Variants in LOXHD1 observed in about 807,000 individuals in gnomAD.
LOXHD1 encodes the protein lipoxygenase homology domain-containing protein 1.
Under a neutral mutation model 248.2 loss-of-function variants are expected in LOXHD1, and 205 were observed. The observed-to-expected ratio is 0.83, with a 90% CI of 0.74 to 0.93. The LOEUF (loss-of-function observed/expected upper bound fraction) is 0.93. Among genes scored for constraint, LOXHD1 ranks in the 40% least tolerant of loss-of-function variants. LOXHD1 has a pLI of 0.00. For synonymous variants in LOXHD1, 1,113 were observed against 1,162.8 expected (o/e 0.96, Z 0.87); for missense variants, 2,930 against 2,971.6 (o/e 0.99, Z 0.33).
At chr18:46,503,347 C>T (rs1329632019) in intron 37 of LOXHD1, among the ~76,000 whole-genome samples, 3 of 152,178 alleles carry the variant, frequency 2.0e-5, no homozygotes, top group Non-Finnish European at 4.4e-5. Context: ...CACACCCATG[C>T]CTGCCACCCT....
intron 20 of LOXHD1, chr18:46,558,156 G>T: frequency 1.5e-6 from 1 of 684,420 alleles, no homozygotes. Flanking sequence ...TATGATGAAA[G>T]TTCATATGCC....
Position 46,494,847 on chromosome 18 carries a change from C to CTTTTTTTTTTTTTTT in LOXHD1, c.5879-5706_5879-5705insAAAAAAAAAAAAAAA, listed in dbSNP as rs1256277774. ...ATTTTTCTTTCTCCTTTTTCTCTCT[C>CTTTTTTTTTTTTTTT]TCTTTTTTTTTTTTTTTTTTTTTTG... On this transcript the variant is annotated intron_variant, in intron 37 of 40. Coordinates refer to ENST00000642948, the MANE Select transcript of LOXHD1 (RefSeq NM_001384474.1). Among the ~76,000 whole-genome samples, 127 of 113,394 alleles carry CTTTTTTTTTTTTTTT rather than the reference C, an allele frequency of 1.1e-3. 6 individuals are homozygous for CTTTTTTTTTTTTTTT. Among genetic ancestry groups the CTTTTTTTTTTTTTTT allele is most frequent in the Non-Finnish European group, 1.9e-3 (99 of 52,086 alleles). 74.4% of individuals were successfully genotyped at this position (113,394 alleles called of 152,430 possible). A position where few individuals can be genotyped will look rare whatever the true frequency, so the allele number is the denominator to read the frequency against.
intron 14 of LOXHD1, among the ~76,000 whole-genome samples, chr18:46,577,496 C>T (rs1373393237): frequency 1.3e-5 from 2 of 152,182 alleles, no homozygotes; most frequent in African/African-American, 4.8e-5. Context: ...CCGGAACACA[C>T]CACAGTGGTG....
intron 9 of LOXHD1, 119 bp downstream of exon 9, chr18:46,594,212 G>T: frequency 7.6e-7 from 1 of 1,323,780 alleles, no homozygotes; most frequent in Non-Finnish European, 1.0e-6. Flanking sequence ...CTTCCTTTCT[G>T]GAGGAGACTT....
At chr18:46,526,661 C>A (rs1339413926) in intron 29 of LOXHD1, among the ~76,000 whole-genome samples, 1 of 152,144 alleles carries the variant, frequency 6.6e-6, no homozygotes, top group Non-Finnish European at 1.5e-5. Context: ...AGATCTGGGA[C>A]CCATGGGGAG....
chr18:46,565,743 TATACTG>T (rs1396806505), intron 17 of LOXHD1, among the ~76,000 whole-genome samples: 4 of 152,242 alleles, frequency 2.6e-5, no homozygotes, highest in African/African-American at 9.6e-5. Flanking sequence ...AAATAGTTGT[TATACTG>T]TACTGTTAGG....
chr18:46,584,134 T>C (rs965466952), intron 12 of LOXHD1, among the ~76,000 whole-genome samples: 8 of 151,816 alleles, frequency 5.3e-5, no homozygotes, highest in Admixed American at 2.6e-4. Flanking sequence ...CCATGTGGAA[T>C]ATTTTAAAAA....
intron 11 of LOXHD1, 30 bp downstream of exon 11, chr18:46,592,468 C>T (rs549384608): frequency 1.3e-6 from 2 of 1,523,664 alleles, no homozygotes; most frequent in East Asian, 4.9e-5. Flanking sequence ...TTCCCAACAA[C>T]CTCCCAAACC....
intron 4 of LOXHD1, among the ~76,000 whole-genome samples, chr18:46,623,732 C>T (rs539100583): frequency 1.3e-5 from 2 of 152,356 alleles, no homozygotes; most frequent in Admixed American, 1.3e-4. Flanking sequence ...GAACTGCCTG[C>T]CTGCGCCTGG....
downstream of LOXHD1, chr18:46,477,053 G>A: frequency 1.5e-6 from 1 of 675,824 alleles, no homozygotes; most frequent in Admixed American, 2.2e-5. Flanking sequence ...TTCTTTATAG[G>A]ATATGGTTGG....
At position 46,602,137 on chromosome 18, in the gene LOXHD1, A is replaced by G. The variant is rs547697751; in HGVS notation, c.884-670T>C. Among the ~76,000 whole-genome samples, 15 of 152,356 alleles carry G rather than the reference A, an allele frequency of 9.8e-5. No homozygotes were observed. The East Asian group carries it at 2.9e-3, about 29-fold the overall frequency. On this transcript the variant is annotated intron_variant, in intron 7 of 40. Coordinates refer to ENST00000642948, the MANE Select transcript of LOXHD1 (RefSeq NM_001384474.1). The stretch of plus-strand genomic sequence containing the variant: ...CTGGGACTGGGCGAAGTAAAAGAAA[A>G]TACCAAAGACAAACATTTGGACAGG...
intron 34 of LOXHD1, among the ~76,000 whole-genome samples, chr18:46,514,156 T>C (rs2035122800): frequency 6.6e-6 from 1 of 152,226 alleles, no homozygotes. Context: ...CTTAAACAGA[T>C]TCTAAGTCTC....
intron 37 of LOXHD1, among the ~76,000 whole-genome samples, chr18:46,497,137 A>G (rs1482316621): frequency 6.6e-6 from 1 of 152,222 alleles, no homozygotes; most frequent in East Asian, 1.9e-4. Flanking sequence ...TTCTTTGCCT[A>G]CAAGGGGAAG....
intron 34 of LOXHD1, among the ~76,000 whole-genome samples, chr18:46,513,213 T>TA (rs970125564): frequency 6.6e-6 from 1 of 152,236 alleles, no homozygotes; most frequent in Non-Finnish European, 1.5e-5. Context: ...ATGTTCATGA[T>TA]AAAATGTTTA....
At chr18:46,533,388 A>T (rs769796107) in intron 27 of LOXHD1, 64 bp from the exon 28 acceptor site, 4 of 1,523,770 alleles carry the variant, frequency 2.6e-6, no homozygotes, top group Non-Finnish European at 3.5e-6. Context: ...TCAGGGATTC[A>T]TCAGCTCAAT....
In LOXHD1 at chr18:46,579,627, T is replaced by C. The variant is rs1447944369; in HGVS notation, c.1809+3A>G. On this transcript the variant is annotated splice_donor_region_variant and intron_variant, in intron 13 of 40. Transcript: ENST00000642948. ...ATGAGTGGGGCACATTGCTGTAACT[T>C]ACATTGCCCTTTTCAAACAGGTCTG... 7 of 1,551,686 alleles carry C rather than the reference T, an allele frequency of 4.5e-6. No homozygotes were observed. Among genetic ancestry groups the C allele is most frequent in the Non-Finnish European group, 4.4e-6 (5 of 1,146,976 alleles).
chr18:46,510,231 C>T (rs1267434081), intron 34 of LOXHD1, among the ~76,000 whole-genome samples: 1 of 152,148 alleles, frequency 6.6e-6, no homozygotes, highest in East Asian at 1.9e-4. Flanking sequence ...ATCTGAAAAG[C>T]TGTAAATGAG....
chr18:46,518,125 G>T lies in LOXHD1; in HGVS notation c.5399+4C>A, dbSNP rs1212100920. The T allele has an allele frequency of 3.2e-6, 5 of 1,551,488 alleles. No homozygotes were observed. The highest frequency in any genetic ancestry group is 4.4e-6 in the Non-Finnish European group (5 of 1,146,984). ...GGTGAGGGGCAGGGGCCGCCTCCAG[G>T]TACCTGGCTTTCTTTTTGTCCAGCT... On this transcript the variant is annotated splice_donor_region_variant and intron_variant, in intron 34 of 40. Transcript: ENST00000642948.
At chr18:46,493,222 G>A (rs2033609790) in intron 37 of LOXHD1, among the ~76,000 whole-genome samples, 1 of 152,106 alleles carries the variant, frequency 6.6e-6, no homozygotes, top group Admixed American at 6.5e-5. Context: ...TATTCCCCAG[G>A]TTCTGAATGT....
Sources: allele counts gnomAD v4.1 joint callset (sites outside exome capture counted in the v4.1 genomes callset), GRCh38; gene constraint gnomAD v4.1.1; transcripts MANE v1.5; gene names NCBI Gene and HGNC (gene_info 2026-07-23, HGNC 2026-07-21).